Variants in FRAS1 observed in about 807,000 individuals in gnomAD.
The protein encoded by FRAS1 is Fraser extracellular matrix complex subunit 1, also known as extracellular matrix organizing protein FRAS1.
A neutral mutation model predicts 435.2 loss-of-function variants in FRAS1; 290 were observed. That is an observed-to-expected ratio of 0.67 (90% CI 0.61 to 0.73). The LOEUF (loss-of-function observed/expected upper bound fraction) is 0.73. Among genes scored for constraint, FRAS1 ranks in the 30% least tolerant of loss-of-function variants. FRAS1 has a pLI of 0.00. For synonymous variants in FRAS1, 1,800 were observed against 1,851.0 expected, an observed-to-expected ratio of 0.97 and a Z score of 0.71; for missense variants, 4,860 against 5,001.5, an observed-to-expected ratio of 0.97 and a Z score of 0.85.
At chr4:78,460,749 C>T (rs1265642168) in intron 47 of FRAS1, among the ~76,000 whole-genome samples, 1 of 152,126 alleles carries the variant, frequency 6.6e-6, no homozygotes, top group African/African-American at 2.4e-5. Context: ...ACAATTGTAA[C>T]ATGATAGTAA....
chr4:78,324,351 A>G (rs891941817), intron 18 of FRAS1, among the ~76,000 whole-genome samples: 2 of 152,316 alleles, frequency 1.3e-5, no homozygotes, highest in South Asian at 2.1e-4. Flanking sequence ...TGAAATTCAT[A>G]TTTAACTGAG....
intron 18 of FRAS1, among the ~76,000 whole-genome samples, chr4:78,319,887 G>A (rs1400233859): frequency 3.3e-5 from 5 of 152,338 alleles, no homozygotes; most frequent in South Asian, 2.1e-4. Context: ...GGCACAGCAG[G>A]AAGGATGCAG....
chr4:78,221,146 C>T (rs369718607), intron 2 of FRAS1, among the ~76,000 whole-genome samples: 3 of 152,012 alleles, frequency 2.0e-5, no homozygotes, highest in Admixed American at 2.0e-4. Flanking sequence ...CCAGCCTGGG[C>T]GACATAGCCA....
intron 70 of FRAS1, among the ~76,000 whole-genome samples, chr4:78,527,487 G>A (rs1397157938): frequency 1.3e-5 from 2 of 152,212 alleles, no homozygotes; most frequent in African/African-American, 2.4e-5. Flanking sequence ...GCTGAGCAAA[G>A]TATATAGAAA....
chr4:78,175,986 C>T (rs942536041), intron 2 of FRAS1, among the ~76,000 whole-genome samples: 2 of 152,136 alleles, frequency 1.3e-5, no homozygotes, highest in African/African-American at 4.8e-5. Context: ...TGCCATTTTG[C>T]AAATCAATTG....
intron 32 of FRAS1, among the ~76,000 whole-genome samples, chr4:78,418,700 G>T (rs11944743): frequency 3.4e-4 from 51 of 152,038 alleles, no homozygotes; most frequent in African/African-American, 1.2e-3. Flanking sequence ...GTAACCCTGC[G>T]GGCAGTTGGG....
At chr4:78,112,259 G>A (rs1742771728) in intron 2 of FRAS1, among the ~76,000 whole-genome samples, 1 of 152,128 alleles carries the variant, frequency 6.6e-6, no homozygotes, top group East Asian at 1.9e-4. Context: ...TCAAAAGCTA[G>A]CTGAAAAAAA....
chr4:78,463,626 A>C (rs1271382722), intron 47 of FRAS1, among the ~76,000 whole-genome samples: 1 of 152,236 alleles, frequency 6.6e-6, no homozygotes, highest in Non-Finnish European at 1.5e-5. Context: ...GCAATATTTA[A>C]AATGAGGGTA....
At position 78,508,947 on chromosome 4, in the gene FRAS1, G is replaced by A. The variant is rs1016107017; in HGVS notation, c.9721G>A (p.Ala3241Thr). 1 of 1,613,966 alleles carries A rather than the reference G, an allele frequency of 6.2e-7. No individual in the cohort carries two copies. The highest frequency in any genetic ancestry group is 1.7e-5 in the Admixed American group (1 of 60,020). ...EVAAPTDGNGARSPFETITDN... is the reference protein window; with the variant it reads ...EVAAPTDGNGTRSPFETITDN... ...GGCTGCCCCCACTGATGGCAATGGG[G>A]CCCGGTCTCCCTTTGAAACCATCAC... Residue 3241 changes from alanine (A) to threonine (T), a missense_variant, in exon 63 of 74, where the codon GCC becomes ACC. Transcript: ENST00000512123.
Position 78,282,985 on chromosome 4 carries a change from C to T in FRAS1, c.1255+18C>T. 2.1e-6 allele frequency: 3 copies of T among 1,430,290 alleles called. No homozygotes were observed. Among genetic ancestry groups the T allele is most frequent in the Non-Finnish European group, 2.8e-6 (3 of 1,089,408 alleles). 88.6% of individuals were successfully genotyped at this position (1,430,290 alleles called of 1,614,324 possible). ...CACATCAGGTGGGTCCATGTCTCCT[C>T]TGTTTCTACTGAGATAGTTTTACTG... On this transcript the variant is annotated intron_variant, in intron 12 of 73. Coordinates refer to ENST00000512123, the MANE Select transcript of FRAS1 (RefSeq NM_025074.7).
chr4:78,288,378 C>T (rs1727717369), intron 14 of FRAS1, among the ~76,000 whole-genome samples: 1 of 152,202 alleles, frequency 6.6e-6, no homozygotes, highest in African/African-American at 2.4e-5. Flanking sequence ...CTCTGTACCA[C>T]CTCCATCCCC....
intron 2 of FRAS1, among the ~76,000 whole-genome samples, chr4:78,077,499 T>C (rs1740696396): frequency 6.6e-6 from 1 of 152,200 alleles, no homozygotes; most frequent in African/African-American, 2.4e-5. Context: ...ATGGATATAT[T>C]GCATAGTAGT....
Position 78,518,426 on chromosome 4 carries a change from A to G in FRAS1, c.10390-905A>G, listed in dbSNP as rs973470320. On this transcript the variant is annotated intron_variant, in intron 66 of 73. Coordinates refer to ENST00000512123, the MANE Select transcript of FRAS1 (RefSeq NM_025074.7). ...TAAGCTAAGTTTTTTTGTTGTGTAT[A>G]TATATATATATATATATATATATAT... Among the ~76,000 whole-genome samples, 83 of 22,578 alleles carry G rather than the reference A, an allele frequency of 3.7e-3. 1 individual carries two copies. In the South Asian group the frequency reaches 0.053, roughly 15 times the overall value. 14.8% of individuals were successfully genotyped at this position (22,578 alleles called of 152,430 possible).
chr4:78,325,226 T>G (rs931116169), intron 18 of FRAS1, among the ~76,000 whole-genome samples: 4 of 152,190 alleles, frequency 2.6e-5, no homozygotes, highest in Non-Finnish European at 4.4e-5. Flanking sequence ...AGAGCAAAAT[T>G]GCACAAAATT....
rs79684973 is a variant in FRAS1 at position 78,184,259 on chromosome 4, A to C, written c.109-53251A>C. On this transcript the variant is annotated intron_variant, in intron 2 of 73. Coordinates refer to ENST00000512123, the MANE Select transcript of FRAS1 (RefSeq NM_025074.7). ...TTATTACAAGGAATTGGCATACATG[A>C]CTGTAGGGGTTGGCTAAGCAAGTCT... Among the ~76,000 whole-genome samples the C allele has an allele frequency of 1.0e-3, 152 of 152,328 alleles. 2 individuals are homozygous for C. The East Asian group carries it at 0.028, about 28-fold the overall frequency.
At chr4:78,084,129 C>A (rs981135731) in intron 2 of FRAS1, among the ~76,000 whole-genome samples, 4 of 152,098 alleles carry the variant, frequency 2.6e-5, no homozygotes, top group African/African-American at 9.7e-5. Flanking sequence ...TCCTTATTCA[C>A]AATTTCAGTT....
In FRAS1 at chr4:78,328,206, A is replaced by G. The variant is rs572058162; in HGVS notation, c.2138-5066A>G. ...AAATAACCTTTGTGCACATTGAGTA[A>G]GGCTATTACATTCGTTTTGTGACCA... On this transcript the variant is annotated intron_variant, in intron 18 of 73. Transcript: ENST00000512123. Among the ~76,000 whole-genome samples, 4 of 152,332 alleles carry G rather than the reference A, an allele frequency of 2.6e-5. No homozygotes were observed. In the East Asian group the frequency reaches 7.7e-4, roughly 29 times the overall value.
At chr4:78,256,236 G>A (rs1291889573) in intron 6 of FRAS1, among the ~76,000 whole-genome samples, 1 of 152,212 alleles carries the variant, frequency 6.6e-6, no homozygotes, top group African/African-American at 2.4e-5. Context: ...AAGGAGAAAT[G>A]TATCTAATTG....
chr4:78,192,737 T>A (rs1722601842), intron 2 of FRAS1, among the ~76,000 whole-genome samples: 1 of 152,206 alleles, frequency 6.6e-6, no homozygotes, highest in Non-Finnish European at 1.5e-5. Context: ...CTGGATTCAT[T>A]GATTTTTTGA....
Sources: gnomAD v4.1 joint callset for allele counts (sites outside exome capture counted in the v4.1 genomes callset) on GRCh38, gnomAD v4.1.1 for gene constraint, MANE v1.5 for transcripts, NCBI Gene and HGNC (gene_info 2026-07-23, HGNC 2026-07-21) for gene names.